The following SLC4A8 variants were observed in gnomAD, a reference collection of about 807,000 sequenced individuals.
SLC4A8 encodes electroneutral sodium bicarbonate exchanger 1.
A neutral mutation model predicts 125.0 loss-of-function variants in SLC4A8; 40 were observed. The observed-to-expected ratio is 0.32, with a 90% confidence interval of 0.25 to 0.42. The LOEUF is 0.42. Among genes scored for constraint, SLC4A8 ranks in the 10% least tolerant of loss-of-function variants. SLC4A8 has a pLI of 1.00. For synonymous variants in SLC4A8, 456 were observed against 476.0 expected (o/e 0.96, Z 0.55); for missense variants, 863 against 1,355.1 (o/e 0.64, Z 5.70).
At position 51,452,111 on chromosome 12, in the gene SLC4A8, G is replaced by A; in HGVS notation, c.278-13G>A. 6.2e-7 allele frequency: 1 copy of A among 1,614,040 alleles called. No individual in the cohort carries two copies. Among genetic ancestry groups the A allele is most frequent in the Non-Finnish European group, 8.5e-7 (1 of 1,179,932 alleles). On this transcript the variant is annotated splice_polypyrimidine_tract_variant and intron_variant, in intron 3 of 24. Coordinates refer to ENST00000453097, the MANE Select transcript of SLC4A8 (RefSeq NM_001039960.3). ...AGGCTAGAGCAGACCTTTCTCTTTG[G>A]TTGATTTCCTAGACACACCATCTCA...
chr12:51,489,644 C>A (rs1329058612), intron 18 of SLC4A8, 56 bp from the exon 19 acceptor site: 2 of 1,604,610 alleles, frequency 1.2e-6, no homozygotes, highest in African/African-American at 1.3e-5. Context: ...GCTCACTGTT[C>A]TATGCCCTAC....
chr12:51,403,272 G>A (rs1948427390), intron 1 of SLC4A8: 1 of 456,050 alleles, frequency 2.2e-6, no homozygotes, highest in Non-Finnish European at 4.4e-6. Flanking sequence ...TGAACAGAAG[G>A]ATCAGTGGAG....
At chr12:51,461,391 C>A (rs1592223672) in intron 9 of SLC4A8, 100 bp downstream of exon 9, 1 of 730,090 alleles carries the variant, frequency 1.4e-6, no homozygotes, top group East Asian at 2.7e-5. Flanking sequence ...AAAATACTTT[C>A]CATTGCAATA....
chr12:51,396,681 T>A (rs1489017951), intron 1 of SLC4A8, among the ~76,000 whole-genome samples: 3 of 143,424 alleles, frequency 2.1e-5, no homozygotes, highest in African/African-American at 7.7e-5. Flanking sequence ...CATCTTTATT[T>A]AAAAAAAAAA....
intron 2 of SLC4A8, among the ~76,000 whole-genome samples, chr12:51,449,073 T>A (rs956660214): frequency 6.6e-6 from 1 of 152,126 alleles, no homozygotes; most frequent in African/African-American, 2.4e-5. Context: ...CTCATTAACA[T>A]ACCCAGCTTG....
At chr12:51,493,398 G>T (rs1333092551) in intron 19 of SLC4A8, among the ~76,000 whole-genome samples, 2 of 152,062 alleles carry the variant, frequency 1.3e-5, no homozygotes, top group East Asian at 3.8e-4. Flanking sequence ...GTGTGTGTGT[G>T]TGTGTGTTTG....
intron 11 of SLC4A8, among the ~76,000 whole-genome samples, chr12:51,464,978 G>A (rs1042967138): frequency 6.6e-6 from 1 of 152,112 alleles, no homozygotes; most frequent in Non-Finnish European, 1.5e-5. Context: ...AGGGAGCATT[G>A]GTGGAAAGAA....
intron 1 of SLC4A8, among the ~76,000 whole-genome samples, chr12:51,414,144 T>C (rs948827252): frequency 6.6e-6 from 1 of 151,720 alleles, no homozygotes; most frequent in African/African-American, 2.4e-5. Flanking sequence ...ACCTCCTTGG[T>C]TAAATTTATT....
chr12:51,465,963 G>C (rs1950501892), intron 11 of SLC4A8, among the ~76,000 whole-genome samples: 1 of 152,170 alleles, frequency 6.6e-6, no homozygotes, highest in African/African-American at 2.4e-5. Flanking sequence ...TATTAGTTGT[G>C]TTTCTTGGAG....
At chr12:51,487,138 CAG>C (rs1209577662) in intron 17 of SLC4A8, among the ~76,000 whole-genome samples, 1 of 152,086 alleles carries the variant, frequency 6.6e-6, no homozygotes, top group Non-Finnish European at 1.5e-5. Context: ...GGAGGTAGGA[CAG>C]GGGAGAAAGG....
intron 1 of SLC4A8, among the ~76,000 whole-genome samples, chr12:51,440,356 A>C (rs990401093): frequency 2.6e-5 from 4 of 151,508 alleles, no homozygotes; most frequent in Non-Finnish European, 4.4e-5. Flanking sequence ...TCAAGGCTGC[A>C]GTGAGCTATG....
At chr12:51,495,146 T>A (rs145441619) in intron 21 of SLC4A8, 28 bp downstream of exon 21, 2 of 1,557,152 alleles carry the variant, frequency 1.3e-6, no homozygotes, top group South Asian at 2.4e-5. Flanking sequence ...AAATAAATTC[T>A]TATTATCATT....
At chr12:51,489,542 T>C (rs1951252171) in intron 18 of SLC4A8, among the ~76,000 whole-genome samples, 158 bp from the exon 19 acceptor site, 1 of 152,200 alleles carries the variant, frequency 6.6e-6, no homozygotes, top group Non-Finnish European at 1.5e-5. Flanking sequence ...TGTTTCCTCC[T>C]AACCAGGAGG....
chr12:51,470,271 G>A (rs1366696848), intron 12 of SLC4A8, 121 bp from the exon 13 acceptor site: 2 of 837,644 alleles, frequency 2.4e-6, no homozygotes, highest in Admixed American at 4.4e-5. Flanking sequence ...CTCTTGCTAA[G>A]ATGAAATACA....
At chr12:51,473,304 G>A (rs749215808) in intron 14 of SLC4A8, among the ~76,000 whole-genome samples, 11 of 152,096 alleles carry the variant, frequency 7.2e-5, no homozygotes, top group South Asian at 2.1e-4. Flanking sequence ...CATACAGTAC[G>A]TAGCCTTTTC....
At position 51,515,414 on chromosome 12, in the gene SLC4A8, G is replaced by A. The variant is rs1256558897; in HGVS notation, c.*7976G>A. ...CTTCCCTCGGAAGGAGACAATTCGA[G>A]GTGCTGGTACATTTCCCTTGTTTTC... On this transcript the variant is annotated 3_prime_UTR_variant, in exon 25 of 25. Transcript: ENST00000453097. 3 of 152,204 alleles carry A rather than the reference G, an allele frequency of 2.0e-5. No homozygotes were observed. Among genetic ancestry groups the A allele is most frequent in the South Asian group, 2.1e-4 (1 of 4,828 alleles). 9.4% of individuals were successfully genotyped at this position (152,204 alleles called of 1,614,324 possible).
At chr12:51,455,844 T>C (rs1328722683) in intron 5 of SLC4A8, among the ~76,000 whole-genome samples, 1 of 152,184 alleles carries the variant, frequency 6.6e-6, no homozygotes, top group Non-Finnish European at 1.5e-5. Flanking sequence ...CTCATGTTCA[T>C]CATTGGAGTC....
At chr12:51,481,082 C>T (rs1220160204) in intron 16 of SLC4A8, among the ~76,000 whole-genome samples, 1 of 152,122 alleles carries the variant, frequency 6.6e-6, no homozygotes, top group Non-Finnish European at 1.5e-5. Flanking sequence ...CTAACATTAT[C>T]TTCTATTTTT....
intron 1 of SLC4A8, chr12:51,425,375 C>G (rs989045166): frequency 8.8e-7 from 1 of 1,141,608 alleles, no homozygotes; most frequent in South Asian, 3.2e-5. Context: ...CGTTGTCCTG[C>G]CAGAACGTGG....
Sources: gnomAD v4.1 joint callset for allele counts (sites outside exome capture counted in the v4.1 genomes callset) on GRCh38, gnomAD v4.1.1 for gene constraint, MANE v1.5 for transcripts, NCBI Gene and HGNC (gene_info 2026-07-23, HGNC 2026-07-21) for gene names.